Variants in WDR64 observed in about 807,000 individuals in gnomAD.
The protein encoded by WDR64 is WD repeat-containing protein 64.
In WDR64, 112 loss-of-function variants were observed where a neutral mutation model predicts 139.3. That is an observed-to-expected ratio of 0.80 (90% confidence interval 0.69 to 0.94). The LOEUF (loss-of-function observed/expected upper bound fraction) is 0.94. Ranked by LOEUF, WDR64 falls within the 40% of genes least tolerant of loss-of-function variation. The pLI is 0.00. For synonymous variants in WDR64, 444 were observed against 437.7 expected, an observed-to-expected ratio of 1.01 and a Z score of -0.18; for missense variants, 1,206 against 1,293.1, an observed-to-expected ratio of 0.93 and a Z score of 1.03.
chr1:241,757,296 A>C lies in WDR64; in HGVS notation c.1784A>C (p.Asp595Ala). 1 of 1,613,198 alleles carries C rather than the reference A, an allele frequency of 6.2e-7. No individual in the cohort carries two copies. The highest frequency in any genetic ancestry group is 1.3e-5 in the African/African-American group (1 of 75,024). Residue 595 changes from aspartate (D) to alanine (A), a missense_variant, in exon 15 of 28, where the codon GAT (aspartate) becomes GCT (alanine). Transcript: ENST00000437684. ...TIKMIQGKEDDIYLMVIWELP... is the reference protein window; with the variant it reads ...TIKMIQGKEDAIYLMVIWELP... ...TTTCTGTTAAAGGGTAAGGAAGATG[A>C]TATCTACCTCATGGTGATCTGGGAG...
chr1:241,682,761 C>T (rs1205118604), intron 6 of WDR64, among the ~76,000 whole-genome samples: 3 of 152,200 alleles, frequency 2.0e-5, no homozygotes, highest in Non-Finnish European at 4.4e-5. Flanking sequence ...TTTCTCTGGC[C>T]ATGGGACCTG....
intron 10 of WDR64, among the ~76,000 whole-genome samples, chr1:241,727,106 T>C (rs7532926): frequency 0.81 from 123,106 of 151,864 alleles, 50,102 homozygotes; most frequent in Non-Finnish European, 0.84. Context: ...AGGCTGGTCT[T>C]GAACTCCTGA....
chr1:241,741,680 CT>C lies in WDR64; in HGVS notation c.1470+20del. The C allele has an allele frequency of 6.4e-7, 1 of 1,562,318 alleles. No homozygotes were observed. Among genetic ancestry groups the C allele is most frequent in the South Asian group, 1.2e-5 (1 of 82,612 alleles). ...CATAATTAGGGTAAGTACCTATTGG[CT>C]TTTCAAACAGAAAAAAAGGCAATGC... On this transcript the variant is annotated intron_variant, in intron 12 of 27. Coordinates refer to ENST00000437684, the MANE Select transcript of WDR64 (RefSeq NM_001367482.1).
intron 27 of WDR64, among the ~76,000 whole-genome samples, chr1:241,799,212 A>AAAAAAAAAAAAAAAAAAAAAAAC: frequency 7.5e-6 from 1 of 132,966 alleles, no homozygotes; most frequent in Non-Finnish European, 1.7e-5. Context: ...CAAAAAAAAA[A>AAAAAAAAAAAAAAAAAAAAAAAC]AAAAAAAAAA....
At chr1:241,782,582 C>G (rs767521455) in intron 22 of WDR64, among the ~76,000 whole-genome samples, 2 of 152,112 alleles carry the variant, frequency 1.3e-5, no homozygotes, top group African/African-American at 4.8e-5. Flanking sequence ...CTTAACAACT[C>G]TAGTTCACAC....
In WDR64 at chr1:241,749,739, C is replaced by T; in HGVS notation, c.1770+17C>T. 16 of 1,602,662 alleles carry T rather than the reference C, an allele frequency of 1.0e-5. No individual in the cohort carries two copies. Among genetic ancestry groups the T allele is most frequent in the Non-Finnish European group, 1.4e-5 (16 of 1,175,870 alleles). ...ATGATCCAGGTTTACAATCCCACTT[C>T]ATACTCGTACTGCAGGTGCCCTTTT... On this transcript the variant is annotated intron_variant, in intron 14 of 27. Coordinates refer to ENST00000437684, the MANE Select transcript of WDR64 (RefSeq NM_001367482.1).
At position 241,748,273 on chromosome 1, in the gene WDR64, T is replaced by C. The variant is rs375238460; in HGVS notation, c.1595-1274T>C. Among the ~76,000 whole-genome samples the C allele has an allele frequency of 1.8e-4, 27 of 152,310 alleles. No homozygotes were observed. In the East Asian group the frequency reaches 3.1e-3, roughly 17 times the overall value. On this transcript the variant is annotated intron_variant, in intron 13 of 27. Coordinates refer to ENST00000437684, the MANE Select transcript of WDR64 (RefSeq NM_001367482.1). Reference sequence around the variant, plus strand: ...CCTCCTGGGCTCAGACCATTTGACATGCCTTACCACTCAGGGCAGGAGGAC... The same window carrying C: ...CCTCCTGGGCTCAGACCATTTGACACGCCTTACCACTCAGGGCAGGAGGAC...
chr1:241,802,094 C>T lies in WDR64; in HGVS notation c.*879C>T. The T allele has an allele frequency of 2.5e-6, 1 of 397,706 alleles. No individual in the cohort carries two copies. Among genetic ancestry groups the T allele is most frequent in the Non-Finnish European group, 4.4e-6 (1 of 225,730 alleles). 24.6% of individuals were successfully genotyped at this position (397,706 alleles called of 1,614,324 possible). ...ACACTTTAAGAAAATAAACAAGAAT[C>T]TTTATAAAAGTTTTATAAAGTTATT... On this transcript the variant is annotated 3_prime_UTR_variant, in exon 28 of 28. Coordinates refer to ENST00000437684, the MANE Select transcript of WDR64 (RefSeq NM_001367482.1).
intron 11 of WDR64, among the ~76,000 whole-genome samples, chr1:241,740,661 T>C (rs974252725): frequency 6.6e-5 from 10 of 152,012 alleles, no homozygotes; most frequent in Non-Finnish European, 1.3e-4. Context: ...CTTTTTTTTT[T>C]TTTAATCTTA....
intron 10 of WDR64, among the ~76,000 whole-genome samples, chr1:241,728,430 C>A (rs1038650530): frequency 6.6e-6 from 1 of 151,638 alleles, no homozygotes; most frequent in East Asian, 1.9e-4. Context: ...AGGGAACAGA[C>A]AACATCCCTT....
At chr1:241,674,985 C>CT (rs1558465793) in intron 4 of WDR64, among the ~76,000 whole-genome samples, 64 of 37,134 alleles carry the variant, frequency 1.7e-3, no homozygotes, top group Non-Finnish European at 2.5e-3. Flanking sequence ...TCCTTCTTTC[C>CT]TCCCTTTCTC....
At chr1:241,679,368 C>A (rs1666682806) in intron 5 of WDR64, 117 bp from the exon 6 acceptor site, 2 of 788,440 alleles carry the variant, frequency 2.5e-6, no homozygotes, top group Non-Finnish European at 2.1e-6. Context: ...TGCAAGGCTT[C>A]TCTGTAATAA....
intron 9 of WDR64, among the ~76,000 whole-genome samples, chr1:241,713,555 GAGGA>G (rs1289747974): frequency 3.5e-5 from 5 of 143,156 alleles, no homozygotes; most frequent in African/African-American, 1.3e-4. Context: ...GGGAGGGAGG[GAGGA>G]AGGATGCCTA....
At chr1:241,707,934 C>G (rs182793505) in intron 8 of WDR64, among the ~76,000 whole-genome samples, 1 of 152,176 alleles carries the variant, frequency 6.6e-6, no homozygotes, top group African/African-American at 2.4e-5. Context: ...CCTGACCTCA[C>G]GTCCACAGTA....
chr1:241,752,264 T>A (rs10737867), intron 14 of WDR64, among the ~76,000 whole-genome samples: 78,444 of 152,096 alleles, frequency 0.52, 22,442 homozygotes, highest in Middle Eastern at 0.67. Flanking sequence ...CAATTAGAGA[T>A]GAAATGTAGA....
At chr1:241,659,043 A>G (rs1458939973) in intron 1 of WDR64, among the ~76,000 whole-genome samples, 3 of 151,928 alleles carry the variant, frequency 2.0e-5, no homozygotes. Flanking sequence ...ATTCTTCCTC[A>G]TGCTCTCCCT....
intron 10 of WDR64, among the ~76,000 whole-genome samples, chr1:241,724,157 G>C (rs576053108): frequency 6.6e-6 from 1 of 152,000 alleles, no homozygotes; most frequent in African/African-American, 2.4e-5. Context: ...CACAAATTAA[G>C]GGACATACTA....
rs573419889 is a variant in WDR64 at position 241,718,852 on chromosome 1, G to A, written c.1055-4445G>A. Among the ~76,000 whole-genome samples, 5 of 152,174 alleles carry A rather than the reference G, an allele frequency of 3.3e-5. No homozygotes were observed. The South Asian group carries it at 8.3e-4, about 25-fold the overall frequency. ...CAGGGAGAGAGAGGGGAGAGAGGGT[G>A]GGTTGGGGCAGCAGGAGCTGGTGTC... On this transcript the variant is annotated intron_variant, in intron 9 of 27. Transcript: ENST00000437684.
chr1:241,763,799 G>A (rs1192453672), intron 15 of WDR64, among the ~76,000 whole-genome samples: 1 of 152,106 alleles, frequency 6.6e-6, no homozygotes, highest in Admixed American at 6.6e-5. Context: ...ACTTTTTATT[G>A]AATACCTGCC....
Sources: allele counts gnomAD v4.1 joint callset (sites outside exome capture counted in the v4.1 genomes callset), GRCh38; gene constraint gnomAD v4.1.1; transcripts MANE v1.5; gene names NCBI Gene and HGNC (gene_info 2026-07-23, HGNC 2026-07-21).